AGRN: variants seen among roughly 807,000 people sequenced by gnomAD.
The protein encoded by AGRN is agrin proteoglycan.
Under a neutral mutation model 211.0 loss-of-function variants are expected in AGRN, and 106 were observed. The ratio of observed to expected loss-of-function variants is 0.50; its 90% CI spans 0.43 to 0.59. The LOEUF is 0.59. AGRN is among the 20% of genes least tolerant of loss of function. The pLI is 0.00. For synonymous variants in AGRN, 1,525 were observed against 1,332.5 expected, an observed-to-expected ratio of 1.14 and a Z score of -3.15; for missense variants, 3,040 against 2,982.6, an observed-to-expected ratio of 1.02 and a Z score of -0.45.
At chr1:1,022,049 G>C in intron 1 of AGRN, 152 bp from the exon 2 acceptor site, 1 of 970,070 alleles carries the variant, frequency 1.0e-6, no homozygotes, top group Non-Finnish European at 1.5e-6. Context: ...GCTTCCCCCA[G>C]CTTCCGCCCA....
At chr1:1,034,659 C>T (rs1212315368) in intron 2 of AGRN, 4 of 988,772 alleles carry the variant, frequency 4.0e-6, no homozygotes, top group East Asian at 1.1e-4. Flanking sequence ...ATCCTGCTGG[C>T]CACCGCCACG....
chr1:1,025,403 G>T (rs1335333256), intron 2 of AGRN, among the ~76,000 whole-genome samples: 1 of 152,186 alleles, frequency 6.6e-6, no homozygotes, highest in Non-Finnish European at 1.5e-5. Context: ...CAGCATCGGT[G>T]CTGGGGTTGA....
Position 1,055,191 on chromosome 1 carries a change from T to C in AGRN, c.*210T>C. ...GGAGGGCTCGGCGTGGATGGCAGCC[T>C]CAGGACACACACCCCTGCCTCAAGG... On this transcript the variant is annotated 3_prime_UTR_variant, in exon 36 of 36. Coordinates refer to ENST00000379370, the MANE Select transcript of AGRN (RefSeq NM_198576.4). 1 of 749,186 alleles carries C rather than the reference T, an allele frequency of 1.3e-6. No individual in the cohort carries two copies. Among genetic ancestry groups the C allele is most frequent in the Non-Finnish European group, 2.2e-6 (1 of 455,452 alleles). 46.4% of individuals were successfully genotyped at this position (749,186 alleles called of 1,614,324 possible).
intron 2 of AGRN, among the ~76,000 whole-genome samples, chr1:1,025,873 T>C (rs1405266628): frequency 6.6e-6 from 1 of 152,094 alleles, no homozygotes; most frequent in African/African-American, 2.4e-5. Flanking sequence ...CCCACCTCTG[T>C]CCATCCCAAC....
At position 1,045,441 on chromosome 1, in the gene AGRN, G is replaced by A. The variant is rs1259035069; in HGVS notation, c.2454G>A (p.Val818=). 1 of 1,612,222 alleles carries A rather than the reference G, an allele frequency of 6.2e-7. No individual in the cohort carries two copies. ...ATGQCSCRPG[V]GGLRCDRCEP... ...GCCAGTGCTCCTGCCGCCCAGGTGT[G>A]GGGGGCCTCAGGTGTGACCGCTGTG... Residue 818 remains valine (V), a synonymous_variant, in exon 14 of 36, where the codon GTG becomes GTA. Coordinates refer to ENST00000379370, the MANE Select transcript of AGRN (RefSeq NM_198576.4).
rs768974182 is a variant in AGRN, at chr1:1,048,100, G to A, written c.3840G>A (p.Pro1280=). 11 of 1,569,658 alleles carry A rather than the reference G, an allele frequency of 7.0e-6. No individual in the cohort carries two copies. The highest frequency in any genetic ancestry group is 2.7e-5 in the African/African-American group (2 of 74,060). The change falls in exon 23 of 36, where the codon CCG becomes CCA. Residue 1280 remains proline, a synonymous_variant. Coordinates refer to ENST00000379370, the MANE Select transcript of AGRN (RefSeq NM_198576.4). This position sits in a 1 kb window ranked among gnomAD's most constrained non-coding sequence, Gnocchi z 5.9. The part of the protein sequence containing the change: ...TARATTASRL[P]SSAVTPRAPH... ...GAGCCACCACTGCATCGCGCCTGCC[G>A]TCCTCTGCTGTGACCCCTCGGGCCC...
At position 1,022,246 on chromosome 1, in the gene AGRN, G is replaced by A; in HGVS notation, c.247G>A (p.Glu83Lys). Reference protein sequence around the residue: ...YLKGKDLVARESLLDGGNKVV... With the variant: ...YLKGKDLVARKSLLDGGNKVV... ...GAAGGGCAAAGACCTGGTGGCCCGGGAGAGCCTGCTGGACGGCGGCAACAA... is the reference window on the plus strand; with the variant it reads ...GAAGGGCAAAGACCTGGTGGCCCGGAAGAGCCTGCTGGACGGCGGCAACAA... The change falls in exon 2 of 36, where the codon GAG becomes AAG. Residue 83 changes from glutamate (E) to lysine (K), a missense_variant. By Grantham distance (56) the Glu-to-Lys change is moderately conservative. Around this residue, in one of 3 missense-constraint regions of AGRN, gnomAD observed 1,498 missense variants for 1,457.8 expected, o/e 1.03. Transcript: ENST00000379370. 1 of 1,613,190 alleles carries A rather than the reference G, an allele frequency of 6.2e-7. No individual in the cohort carries two copies. Among genetic ancestry groups the A allele is most frequent in the Non-Finnish European group, 8.5e-7 (1 of 1,180,002 alleles).
chr1:1,050,439 G>A lies in AGRN; in HGVS notation c.4989G>A (p.Ala1663=), dbSNP rs371635309. The change falls in exon 29 of 36, where the codon GCG becomes GCA. Residue 1663 remains alanine, a synonymous_variant. Transcript: ENST00000379370. ...TFARDLGEKM[A]LEVVFLARGP... Reference sequence around the variant, plus strand: ...CCCATGACCCCAGGGAGAAGATGGCGCTGGAGGTCGTGTTCCTGGCACGAG... The same window carrying A: ...CCCATGACCCCAGGGAGAAGATGGCACTGGAGGTCGTGTTCCTGGCACGAG... 4.3e-5 allele frequency: 70 copies of A among 1,612,942 alleles called. No homozygotes were observed. The Admixed American group carries it at 4.8e-4, about 11-fold the overall frequency.
In AGRN at chr1:1,031,986, G is replaced by T. The variant is rs1644686223; in HGVS notation, c.464-3291G>T. On this transcript the variant is annotated intron_variant, in intron 2 of 35. Coordinates refer to ENST00000379370, the MANE Select transcript of AGRN (RefSeq NM_198576.4). This position sits in a 1 kb window ranked among gnomAD's most constrained non-coding sequence, Gnocchi z 4.8. ...TTTTCTCATCCCTGGGTCACACCCTGCGCTGGGGAGATAAAAAGTCAGACC... is the reference window on the plus strand; with the variant it reads ...TTTTCTCATCCCTGGGTCACACCCTTCGCTGGGGAGATAAAAAGTCAGACC... Among the ~76,000 whole-genome samples the T allele has an allele frequency of 6.6e-6, 1 of 152,238 alleles. No individual in the cohort carries two copies. Among genetic ancestry groups the T allele is most frequent in the East Asian group, 1.9e-4 (1 of 5,194 alleles).
chr1:1,049,801 G>A lies in AGRN; in HGVS notation c.4744+6G>A. 1.9e-6 allele frequency: 3 copies of A among 1,602,766 alleles called. No individual in the cohort carries two copies. Among genetic ancestry groups the A allele is most frequent in the Non-Finnish European group, 1.7e-6 (2 of 1,175,142 alleles). On this transcript the variant is annotated splice_donor_region_variant and intron_variant, in intron 26 of 35. Transcript: ENST00000379370. ...GTGCCCGCCCGGCCGCGTCGGTGAG[G>A]GTGGGGCCGGGGCGGGTGGGAGTGG...
Position 1,043,743 on chromosome 1 carries a change from C to T in AGRN, c.1798+11C>T. 1 of 1,601,704 alleles carries T rather than the reference C, an allele frequency of 6.2e-7. No homozygotes were observed. The highest frequency in any genetic ancestry group is 8.5e-7 in the Non-Finnish European group (1 of 1,179,748). On this transcript the variant is annotated intron_variant, in intron 9 of 35. Coordinates refer to ENST00000379370, the MANE Select transcript of AGRN (RefSeq NM_198576.4). ...CAGCTGGACCCTGTGGTGAGTGAGGCCCTGGGGCCGGGCGGGCCAGGGTCC... is the reference window on the plus strand; with the variant it reads ...CAGCTGGACCCTGTGGTGAGTGAGGTCCTGGGGCCGGGCGGGCCAGGGTCC...
chr1:1,023,261 C>T (rs1644450222), intron 2 of AGRN, among the ~76,000 whole-genome samples: 1 of 152,216 alleles, frequency 6.6e-6, no homozygotes, highest in Non-Finnish European at 1.5e-5. Flanking sequence ...GGAAACTTTG[C>T]TGCCCTGACA....
chr1:1,040,253 C>T (rs538675873), intron 3 of AGRN, among the ~76,000 whole-genome samples: 2 of 152,312 alleles, frequency 1.3e-5, no homozygotes, highest in Admixed American at 1.3e-4. Flanking sequence ...GGAAGGAGCT[C>T]CTGAGCAGAA....
chr1:1,021,840 C>T (rs1265892622), intron 1 of AGRN, among the ~76,000 whole-genome samples: 3 of 152,250 alleles, frequency 2.0e-5, no homozygotes, highest in African/African-American at 7.2e-5. Context: ...GAGGTGGGCC[C>T]TGAGCACTGG....
Position 1,050,030 on chromosome 1 carries a change from C to T in AGRN, c.4872C>T (p.Cys1624=). 6.3e-7 allele frequency: 1 copy of T among 1,590,142 alleles called. No homozygotes were observed. The highest frequency in any genetic ancestry group is 8.5e-7 in the Non-Finnish European group (1 of 1,170,510). The change falls in exon 27 of 36, where the codon TGC becomes TGT. Residue 1624 remains cysteine (C), a synonymous_variant. Coordinates refer to ENST00000379370, the MANE Select transcript of AGRN (RefSeq NM_198576.4). ...CCCTGGGGCGTGAGGGCACCTTCTG[C>T]CAGACAGGTCGGGGGCGTGGGGCTC... The part of the protein sequence containing the change: ...ECPLGREGTF[C]QTASGQDGSG...
At position 1,020,512 on chromosome 1, in the gene AGRN, G is replaced by C. The variant is rs921776463; in HGVS notation, c.201+139G>C. ...CTTGGCGACCGCCAAGCCCCGGGAG[G>C]GGGGGTCGCCGGGTCCCGGGAAACT... On this transcript the variant is annotated intron_variant, in intron 1 of 35. Transcript: ENST00000379370. The C allele has an allele frequency of 6.1e-6, 5 of 817,516 alleles. 1 individual carries two copies. Among genetic ancestry groups the C allele is most frequent in the South Asian group, 6.2e-5 (2 of 32,142 alleles). 50.6% of individuals were successfully genotyped at this position (817,516 alleles called of 1,614,324 possible). A position where few individuals can be genotyped will look rare whatever the true frequency, so the allele number is the denominator to read the frequency against.
chr1:1,049,624 G>A lies in AGRN; in HGVS notation c.4573G>A (p.Val1525Ile), dbSNP rs779716690. The A allele has an allele frequency of 1.5e-5, 24 of 1,590,864 alleles. No individual in the cohort carries two copies. Among genetic ancestry groups the A allele is most frequent in the Middle Eastern group, 1.7e-4 (1 of 6,056 alleles). The change falls in exon 26 of 36, where the codon GTC becomes ATC. Residue 1525 changes from valine (V) to isoleucine (I), a missense_variant. Val to Ile is a conservative substitution (Grantham distance 29, BLOSUM62 3). Transcript: ENST00000379370. ...GAGGGGGTGCATCCGTTTGCTGGAC[G>A]TCAACAACCAGCGCCTGGAGCTTGG... ...GLRGCIRLLD[V>I]NNQRLELGIG... is the part of the protein sequence containing the mutation.
At chr1:1,038,468 T>C (rs1376104306) in intron 3 of AGRN, among the ~76,000 whole-genome samples, 3 of 152,238 alleles carry the variant, frequency 2.0e-5, no homozygotes, top group African/African-American at 4.8e-5. Context: ...CCTGGTGAGC[T>C]GCCATCATCA....
At chr1:1,042,233 G>A in intron 7 of AGRN, 71 bp downstream of exon 7, 1 of 1,495,044 alleles carries the variant, frequency 6.7e-7, no homozygotes, top group South Asian at 1.3e-5. Context: ...GACATCACAT[G>A]CCATCTTCAT....
Sources: allele counts gnomAD v4.1 joint callset (sites outside exome capture counted in the v4.1 genomes callset), GRCh38; gene constraint gnomAD v4.1.1; regional missense constraint gnomAD v4.1.1; non-coding constraint Gnocchi (gnomAD v3.1); transcripts MANE v1.5; gene names NCBI Gene and HGNC (gene_info 2026-07-23, HGNC 2026-07-21).